Variants in CRIM1 observed in about 807,000 individuals in gnomAD.
The protein encoded by CRIM1 is cysteine rich transmembrane BMP regulator 1, also known as cysteine-rich motor neuron 1 protein.
CRIM1 carries 32 observed loss-of-function variants against 116.4 expected under a neutral mutation model. The ratio of observed to expected loss-of-function variants is 0.27; its 90% CI spans 0.21 to 0.37. The LOEUF (loss-of-function observed/expected upper bound fraction) is 0.37. CRIM1 is among the 10% of genes least tolerant of loss of function. The pLI, the probability that CRIM1 is intolerant of heterozygous loss-of-function variation, is 1.00. For synonymous variants in CRIM1, 590 were observed against 509.2 expected, an observed-to-expected ratio of 1.16 and a Z score of -2.13; for missense variants, 1,331 against 1,354.8, an observed-to-expected ratio of 0.98 and a Z score of 0.28.
chr2:36,486,687 G>A (rs1320361228), intron 7 of CRIM1, among the ~76,000 whole-genome samples: 3 of 152,048 alleles, frequency 2.0e-5, no homozygotes, highest in Non-Finnish European at 2.9e-5. Context: ...TTATTGCTGG[G>A]AGTCTCATAA....
intron 2 of CRIM1, among the ~76,000 whole-genome samples, chr2:36,437,279 G>T (rs1213285808): frequency 6.6e-6 from 1 of 152,072 alleles, no homozygotes; most frequent in Non-Finnish European, 1.5e-5. Flanking sequence ...GGAGGCTGAG[G>T]CAGGAGAATG....
intron 1 of CRIM1, among the ~76,000 whole-genome samples, chr2:36,366,124 G>A (rs771431514): frequency 4.6e-5 from 7 of 152,194 alleles, no homozygotes; most frequent in Non-Finnish European, 1.0e-4. Flanking sequence ...TAAGGCAGAT[G>A]CTTTAAATTG....
intron 1 of CRIM1, chr2:36,368,978 C>T (rs1023818635): frequency 6.6e-6 from 1 of 152,180 alleles, no homozygotes; most frequent in Non-Finnish European, 1.5e-5. Context: ...CCAGATCTTA[C>T]CGTCTCTCTT....
chr2:36,406,468 A>C (rs1672802315), intron 2 of CRIM1, among the ~76,000 whole-genome samples: 1 of 152,132 alleles, frequency 6.6e-6, no homozygotes, highest in African/African-American at 2.4e-5. Context: ...TCCCTGACCC[A>C]CCCGGAAGGT....
chr2:36,476,013 A>C (rs771835441), intron 5 of CRIM1, among the ~76,000 whole-genome samples: 2 of 151,626 alleles, frequency 1.3e-5, no homozygotes, highest in Non-Finnish European at 2.9e-5. Context: ...GTCTACATTT[A>C]TAATATACTG....
intron 7 of CRIM1, among the ~76,000 whole-genome samples, chr2:36,485,704 G>T (rs1679764265): frequency 6.6e-6 from 1 of 152,198 alleles, no homozygotes; most frequent in Non-Finnish European, 1.5e-5. Context: ...AAGAGGCAGT[G>T]AAGTCAAAGA....
intron 7 of CRIM1, among the ~76,000 whole-genome samples, chr2:36,495,131 A>AG (rs2125076323): frequency 6.6e-6 from 1 of 152,322 alleles, no homozygotes; most frequent in Non-Finnish European, 1.5e-5. Flanking sequence ...AAATCTTAGC[A>AG]GGACCTCTGT....
intron 7 of CRIM1, among the ~76,000 whole-genome samples, chr2:36,496,484 A>G (rs181384739): frequency 7.1e-4 from 108 of 152,282 alleles, no homozygotes; most frequent in African/African-American, 2.3e-3. Flanking sequence ...GGAAAATACT[A>G]ATTTCAGAGG....
chr2:36,548,637 G>A lies in CRIM1; in HGVS notation c.3047G>A (p.Ser1016Asn). ...LRIAEPDARFSGFYSMQKQNH... is the reference protein window; with the variant it reads ...LRIAEPDARFNGFYSMQKQNH... Reference sequence around the variant, plus strand: ...ATTGCAGAACCAGATGCAAGATTCAGTGGCTTCTACAGCATGCAAAAACAG... The same window carrying A: ...ATTGCAGAACCAGATGCAAGATTCAATGGCTTCTACAGCATGCAAAAACAG... Residue 1016 changes from serine to asparagine, a missense_variant, in exon 17 of 17, where the codon AGT becomes AAT. Coordinates refer to ENST00000280527, the MANE Select transcript of CRIM1 (RefSeq NM_016441.3). The A allele has an allele frequency of 1.2e-6, 2 of 1,612,796 alleles. No homozygotes were observed. Among genetic ancestry groups the A allele is most frequent in the Non-Finnish European group, 1.7e-6 (2 of 1,179,508 alleles).
At chr2:36,534,884 A>G (rs1666427235) in intron 13 of CRIM1, among the ~76,000 whole-genome samples, 2 of 152,160 alleles carry the variant, frequency 1.3e-5, no homozygotes, top group South Asian at 4.1e-4. Context: ...AATTTTATTC[A>G]GTGATATTGC....
intron 13 of CRIM1, chr2:36,532,068 T>C: frequency 2.2e-6 from 1 of 461,252 alleles, no homozygotes; most frequent in South Asian, 1.6e-5. Flanking sequence ...ACGGATAAGA[T>C]AGGGGCCATA....
intron 4 of CRIM1, among the ~76,000 whole-genome samples, chr2:36,447,026 A>G (rs1036859884): frequency 6.6e-6 from 1 of 152,266 alleles, no homozygotes; most frequent in Non-Finnish European, 1.5e-5. Flanking sequence ...TAAGTGACAT[A>G]TAGATAACAA....
intron 7 of CRIM1, among the ~76,000 whole-genome samples, chr2:36,486,218 G>C (rs1340923326): frequency 6.6e-6 from 1 of 152,148 alleles, no homozygotes; most frequent in African/African-American, 2.4e-5. Context: ...TACATTATAT[G>C]AGTGGCTTTC....
chr2:36,544,247 G>T, intron 14 of CRIM1, 129 bp from the exon 15 acceptor site: 1 of 740,098 alleles, frequency 1.4e-6, no homozygotes. Flanking sequence ...GATGTAAATG[G>T]CAGAAACTGC....
chr2:36,487,287 A>G (rs1428074575), intron 7 of CRIM1, among the ~76,000 whole-genome samples: 1 of 152,186 alleles, frequency 6.6e-6, no homozygotes, highest in Non-Finnish European at 1.5e-5. Flanking sequence ...TCCCACCAAC[A>G]CAAGGTCCCG....
chr2:36,401,770 A>G (rs1306737313), intron 2 of CRIM1, among the ~76,000 whole-genome samples: 1 of 152,260 alleles, frequency 6.6e-6, no homozygotes. Context: ...ATGTGAAACC[A>G]TGCCACATTT....
Position 36,547,175 on chromosome 2 carries a change from C to G in CRIM1, c.2934+4C>G, listed in dbSNP as rs954231427. 43 of 1,606,360 alleles carry G rather than the reference C, an allele frequency of 2.7e-5. No homozygotes were observed. Among genetic ancestry groups the G allele is most frequent in the Non-Finnish European group, 3.6e-5 (42 of 1,175,654 alleles). On this transcript the variant is annotated splice_donor_region_variant and intron_variant, in intron 16 of 16. Transcript: ENST00000280527. ...CTGGTATCGAACACCAACTAAGGTA[C>G]TGTCTTGCAAAAGTTAGTCTCTTGA...
chr2:36,363,417 C>T (rs1669362477), intron 1 of CRIM1, among the ~76,000 whole-genome samples: 2 of 151,636 alleles, frequency 1.3e-5, no homozygotes. Flanking sequence ...TACTTGGGCT[C>T]AGTCTCTTGT....
intron 11 of CRIM1, among the ~76,000 whole-genome samples, chr2:36,516,549 A>T (rs1000923927): frequency 3.9e-5 from 6 of 152,158 alleles, no homozygotes; most frequent in African/African-American, 1.2e-4. Context: ...AAGAAATGAT[A>T]GTTTTCACCA....
Sources: gnomAD v4.1 joint callset for allele counts (sites outside exome capture counted in the v4.1 genomes callset) on GRCh38, gnomAD v4.1.1 for gene constraint, MANE v1.5 for transcripts, NCBI Gene and HGNC (gene_info 2026-07-23, HGNC 2026-07-21) for gene names.